CNTNAP2: variants seen among roughly 807,000 people sequenced by gnomAD.
The protein encoded by CNTNAP2 is contactin-associated protein-like 2.
In CNTNAP2, 98 loss-of-function variants were observed where a neutral mutation model predicts 155.2. The ratio of observed to expected loss-of-function variants is 0.63; its 90% CI spans 0.54 to 0.75. CNTNAP2 has a LOEUF of 0.75. CNTNAP2 is among the 30% of genes least tolerant of loss of function. CNTNAP2 has a pLI of 0.00. For synonymous variants in CNTNAP2, 651 were observed against 631.2 expected, an observed-to-expected ratio of 1.03 and a Z score of -0.47; for missense variants, 1,727 against 1,688.1, an observed-to-expected ratio of 1.02 and a Z score of -0.40.
chr7:148,330,216 A>T (rs1797963392), intron 21 of CNTNAP2, among the ~76,000 whole-genome samples: 2 of 19,298 alleles, frequency 1.0e-4, no homozygotes, highest in Non-Finnish European at 2.3e-4. Flanking sequence ...GGATGGATGG[A>T]ATGGATGGAT....
At chr7:147,034,943 C>T (rs1016056452) in intron 3 of CNTNAP2, among the ~76,000 whole-genome samples, 2 of 151,496 alleles carry the variant, frequency 1.3e-5, no homozygotes, top group Non-Finnish European at 2.9e-5. Flanking sequence ...AACAGAAATG[C>T]CTGTCTGCAC....
At chr7:146,819,006 A>G (rs924895777) in intron 2 of CNTNAP2, among the ~76,000 whole-genome samples, 3 of 152,236 alleles carry the variant, frequency 2.0e-5, no homozygotes, top group East Asian at 3.9e-4. Context: ...ATCCTGAATC[A>G]TATTATTTAT....
At chr7:146,189,076 T>C (rs1019531851) in intron 1 of CNTNAP2, among the ~76,000 whole-genome samples, 11 of 152,198 alleles carry the variant, frequency 7.2e-5, no homozygotes, top group Middle Eastern at 3.2e-3. Context: ...GAAACACAGA[T>C]TGATAATAAA....
At chr7:148,138,532 T>C (rs1805002118) in intron 16 of CNTNAP2, among the ~76,000 whole-genome samples, 1 of 152,224 alleles carries the variant, frequency 6.6e-6, no homozygotes, top group Non-Finnish European at 1.5e-5. Flanking sequence ...ATGAGTTTTC[T>C]CATTTTGCCG....
intron 1 of CNTNAP2, among the ~76,000 whole-genome samples, chr7:146,608,523 A>T (rs1231495900): frequency 2.6e-5 from 4 of 152,180 alleles, no homozygotes; most frequent in African/African-American, 9.6e-5. Flanking sequence ...ATTCCTTTGT[A>T]TAAAGTACAA....
chr7:147,177,932 C>G (rs888332034), intron 8 of CNTNAP2, among the ~76,000 whole-genome samples: 4 of 152,090 alleles, frequency 2.6e-5, no homozygotes, highest in Non-Finnish European at 4.4e-5. Flanking sequence ...AAATACCTTA[C>G]GTCTAGGCTG....
At chr7:147,461,863 TAGC>T (rs1474151718) in intron 10 of CNTNAP2, among the ~76,000 whole-genome samples, 1 of 152,202 alleles carries the variant, frequency 6.6e-6, no homozygotes, top group Non-Finnish European at 1.5e-5. Context: ...CATTCGAAAA[TAGC>T]AGCATTTAAG....
At chr7:146,122,120 G>A (rs532432170) in intron 1 of CNTNAP2, among the ~76,000 whole-genome samples, 2 of 152,168 alleles carry the variant, frequency 1.3e-5, no homozygotes, top group Non-Finnish European at 2.9e-5. Flanking sequence ...TCCTTCCTAT[G>A]TTAGGTAGAG....
chr7:147,558,452 C>T (rs945079190), intron 11 of CNTNAP2, among the ~76,000 whole-genome samples: 3 of 152,138 alleles, frequency 2.0e-5, no homozygotes, highest in Admixed American at 1.3e-4. Context: ...GTAGTGCCAG[C>T]GTCATTTGGG....
chr7:147,522,451 T>G (rs1799244672), intron 11 of CNTNAP2, among the ~76,000 whole-genome samples: 2 of 152,090 alleles, frequency 1.3e-5, no homozygotes, highest in South Asian at 4.1e-4. Context: ...AACCTAAAAT[T>G]TGCACCTTCC....
intron 13 of CNTNAP2, among the ~76,000 whole-genome samples, chr7:147,647,371 A>G (rs750928321): frequency 6.6e-6 from 1 of 152,022 alleles, no homozygotes; most frequent in African/African-American, 2.4e-5. Context: ...ATTTCAATGT[A>G]AGAGGACACC....
chr7:148,124,811 C>T (rs189121231), intron 16 of CNTNAP2, among the ~76,000 whole-genome samples: 23 of 152,118 alleles, frequency 1.5e-4, no homozygotes, highest in Non-Finnish European at 2.6e-4. Flanking sequence ...ATGATAGGCA[C>T]AAAGTATTAT....
At chr7:148,108,147 C>T (rs964031566) in intron 15 of CNTNAP2, among the ~76,000 whole-genome samples, 19 of 152,218 alleles carry the variant, frequency 1.2e-4, no homozygotes, top group Middle Eastern at 3.2e-3. Flanking sequence ...CTCTACTTCT[C>T]ATCACCTGTC....
chr7:146,420,770 A>C (rs1449550318), intron 1 of CNTNAP2, among the ~76,000 whole-genome samples: 2 of 152,096 alleles, frequency 1.3e-5, no homozygotes, highest in Non-Finnish European at 2.9e-5. Context: ...AATTCCATTG[A>C]GTTATATAAG....
intron 9 of CNTNAP2, among the ~76,000 whole-genome samples, chr7:147,353,098 C>T (rs1452807413): frequency 1.5e-4 from 20 of 136,084 alleles, no homozygotes; most frequent in Admixed American, 3.6e-4. Flanking sequence ...TATATATAGA[C>T]ACACACACAC....
intron 1 of CNTNAP2, among the ~76,000 whole-genome samples, chr7:146,192,816 AGT>A (rs1798725676): frequency 6.6e-6 from 1 of 152,182 alleles, no homozygotes; most frequent in South Asian, 2.1e-4. Context: ...CATAGTCCAA[AGT>A]CTCAACTGAG....
At chr7:146,665,788 A>AAAAAAAC (rs1554464852) in intron 1 of CNTNAP2, among the ~76,000 whole-genome samples, 2 of 142,038 alleles carry the variant, frequency 1.4e-5, no homozygotes, top group African/African-American at 5.4e-5. Flanking sequence ...CTCATTAAAA[A>AAAAAAAC]AAAAAAAAAA....
intron 8 of CNTNAP2, among the ~76,000 whole-genome samples, chr7:147,203,487 C>T (rs1802961106): frequency 6.6e-6 from 1 of 152,192 alleles, no homozygotes; most frequent in African/African-American, 2.4e-5. Context: ...CCGCCTCGGC[C>T]TTCCAAAGTG....
intron 15 of CNTNAP2, among the ~76,000 whole-genome samples, chr7:148,063,757 G>A (rs1585105928): frequency 6.6e-6 from 1 of 151,882 alleles, no homozygotes; most frequent in East Asian, 1.9e-4. Context: ...ATTTATCTTT[G>A]TTTTTGTTGC....
Sources: allele counts gnomAD v4.1 joint callset (sites outside exome capture counted in the v4.1 genomes callset), GRCh38; gene constraint gnomAD v4.1.1; transcripts MANE v1.5; gene names NCBI Gene and HGNC (gene_info 2026-07-23, HGNC 2026-07-21).